ASTN2: variants seen among roughly 807,000 people sequenced by gnomAD.
ASTN2 encodes the protein astrotactin 2.
Under a neutral mutation model 139.8 loss-of-function variants are expected in ASTN2, and 54 were observed. The ratio of observed to expected loss-of-function variants is 0.39; its 90% CI spans 0.31 to 0.48. ASTN2 has a LOEUF of 0.48. ASTN2 is among the 20% of genes least tolerant of loss of function. The pLI is 0.95. For synonymous variants in ASTN2, 756 were observed against 719.5 expected (o/e 1.05, Z -0.81); for missense variants, 1,565 against 1,725.1 (o/e 0.91, Z 1.64).
chr9:117,212,008 G>T lies in ASTN2; in HGVS notation c.1015+2350C>A, dbSNP rs1161807146. On this transcript the variant is annotated intron_variant, in intron 3 of 22. Transcript: ENST00000313400. ...TTCAGACCTCAAAATATACTACAAA[G>T]CTGTAGTAACCAAAGTTACTGCAAA... 2.6e-5 allele frequency among the ~76,000 whole-genome samples: 4 copies of T among 152,152 alleles called. No homozygotes were observed. The East Asian group carries it at 5.8e-4, about 22-fold the overall frequency.
At chr9:116,812,594 G>GAC (rs1181626240) in intron 12 of ASTN2, among the ~76,000 whole-genome samples, 1 of 152,134 alleles carries the variant, frequency 6.6e-6, no homozygotes, top group Non-Finnish European at 1.5e-5. Flanking sequence ...GTTATTTTAG[G>GAC]ACACTAAGTT....
At chr9:116,557,375 G>C (rs1032652134) in intron 19 of ASTN2, among the ~76,000 whole-genome samples, 4 of 151,058 alleles carry the variant, frequency 2.6e-5, no homozygotes, top group Non-Finnish European at 5.9e-5. Flanking sequence ...TCTCTTTTTT[G>C]TAAAATGGGA....
intron 5 of ASTN2, among the ~76,000 whole-genome samples, chr9:117,040,419 G>A (rs1588502950): frequency 6.6e-6 from 1 of 152,152 alleles, no homozygotes; most frequent in East Asian, 1.9e-4. Flanking sequence ...GCCCTCATTG[G>A]CTCTGTGATC....
intron 19 of ASTN2, among the ~76,000 whole-genome samples, chr9:116,490,950 G>A (rs1233636623): frequency 1.3e-5 from 2 of 152,180 alleles, no homozygotes; most frequent in African/African-American, 4.8e-5. Context: ...ATTTTCAAAT[G>A]GGAATAGCTT....
At chr9:116,459,834 A>G (rs1315678981) in intron 20 of ASTN2, among the ~76,000 whole-genome samples, 1 of 152,130 alleles carries the variant, frequency 6.6e-6, no homozygotes, top group Non-Finnish European at 1.5e-5. Context: ...ATATTGGAAA[A>G]CAGTTTGGTA....
At chr9:117,013,467 A>AATAC in intron 6 of ASTN2, among the ~76,000 whole-genome samples, 1 of 115,534 alleles carries the variant, frequency 8.7e-6, no homozygotes, top group Non-Finnish European at 1.9e-5. Flanking sequence ...CTTATTTTTA[A>AATAC]ATATATATAT....
chr9:117,196,769 A>G (rs1400156232), intron 3 of ASTN2, among the ~76,000 whole-genome samples: 1 of 152,210 alleles, frequency 6.6e-6, no homozygotes, highest in Non-Finnish European at 1.5e-5. Flanking sequence ...AAAAACAAAC[A>G]AAAGAGAAAA....
intron 1 of ASTN2, among the ~76,000 whole-genome samples, chr9:117,390,853 C>T (rs1830521693): frequency 6.6e-6 from 1 of 152,000 alleles, no homozygotes; most frequent in Non-Finnish European, 1.5e-5. Context: ...GGGTATATAC[C>T]CAGGAGTGCA....
intron 11 of ASTN2, among the ~76,000 whole-genome samples, chr9:116,862,411 C>G (rs370204377): frequency 3.9e-5 from 6 of 152,112 alleles, no homozygotes; most frequent in Non-Finnish European, 8.8e-5. Context: ...TGTGCTATAA[C>G]GTGTCACAGG....
intron 2 of ASTN2, among the ~76,000 whole-genome samples, chr9:117,236,002 C>T (rs991864718): frequency 6.6e-6 from 1 of 152,178 alleles, no homozygotes; most frequent in Non-Finnish European, 1.5e-5. Flanking sequence ...GCTCAGAGGC[C>T]TGGAGTTCAT....
chr9:116,887,140 A>C (rs751409583), intron 10 of ASTN2, among the ~76,000 whole-genome samples: 1 of 152,176 alleles, frequency 6.6e-6, no homozygotes, highest in Non-Finnish European at 1.5e-5. Context: ...CCTATTTCAT[A>C]AGGTTGTTGG....
At chr9:116,605,047 GAGAGAGAGAC>G (rs1443991024) in intron 19 of ASTN2, among the ~76,000 whole-genome samples, 1 of 151,906 alleles carries the variant, frequency 6.6e-6, no homozygotes, top group Non-Finnish European at 1.5e-5. Flanking sequence ...AAAGAAGAGA[GAGAGAGAGAC>G]AGAGAGCCAC....
At chr9:116,496,908 G>A (rs938742262) in intron 19 of ASTN2, among the ~76,000 whole-genome samples, 1 of 152,140 alleles carries the variant, frequency 6.6e-6, no homozygotes, top group Non-Finnish European at 1.5e-5. Context: ...CTGCCCCCAT[G>A]ATTCAATTAC....
chr9:117,302,488 G>T (rs1332732493), intron 1 of ASTN2, among the ~76,000 whole-genome samples: 1 of 152,224 alleles, frequency 6.6e-6, no homozygotes, highest in South Asian at 2.1e-4. Context: ...TTAGCAGTAT[G>T]CGGGACAAGG....
intron 4 of ASTN2, among the ~76,000 whole-genome samples, chr9:117,129,347 T>C (rs566163344): frequency 6.6e-6 from 1 of 152,264 alleles, no homozygotes; most frequent in African/African-American, 2.4e-5. Context: ...CACCCCTTGA[T>C]GTAAAATAAA....
At chr9:116,616,675 G>A (rs557192177) in intron 19 of ASTN2, among the ~76,000 whole-genome samples, 5 of 152,036 alleles carry the variant, frequency 3.3e-5, no homozygotes, top group East Asian at 1.9e-4. Flanking sequence ...GATGTGAAGC[G>A]TTATTGTTAA....
At chr9:117,230,626 G>A (rs1832862002) in intron 2 of ASTN2, among the ~76,000 whole-genome samples, 1 of 152,180 alleles carries the variant, frequency 6.6e-6, no homozygotes, top group Non-Finnish European at 1.5e-5. Flanking sequence ...AGGATATCTA[G>A]GTCCATTATT....
At chr9:116,902,135 A>T (rs934274102) in intron 10 of ASTN2, among the ~76,000 whole-genome samples, 4 of 152,240 alleles carry the variant, frequency 2.6e-5, no homozygotes, top group South Asian at 2.1e-4. Context: ...ATTTCAGAAG[A>T]AGGCACTGTT....
At chr9:117,078,480 A>G (rs1424241098) in intron 5 of ASTN2, among the ~76,000 whole-genome samples, 1 of 152,252 alleles carries the variant, frequency 6.6e-6, no homozygotes, top group Non-Finnish European at 1.5e-5. Context: ...GTTAAAAAAT[A>G]AAAACAAAAA....
Sources: allele counts gnomAD v4.1 joint callset (sites outside exome capture counted in the v4.1 genomes callset), GRCh38; gene constraint gnomAD v4.1.1; transcripts MANE v1.5; gene names NCBI Gene and HGNC (gene_info 2026-07-23, HGNC 2026-07-21).